Variants in SCFD2 observed in about 807,000 individuals in gnomAD.
SCFD2 encodes sec1 family domain containing 2.
In SCFD2, 54 loss-of-function variants were observed where a neutral mutation model predicts 58.9. The ratio of observed to expected loss-of-function variants is 0.92; its 90% CI spans 0.74 to 1.15. SCFD2 has a LOEUF of 1.15. SCFD2 is among the 50% of genes most tolerant of loss of function. The probability of loss-of-function intolerance (pLI) is 0.00; values close to 1 mark genes in which losing one functional copy is unlikely to be tolerated. For missense variants in SCFD2, 805 were observed against 836.6 expected (o/e 0.96, Z 0.47); for synonymous variants, 321 against 335.9 (o/e 0.96, Z 0.49).
intron 5 of SCFD2, among the ~76,000 whole-genome samples, chr4:53,033,625 G>T (rs987981194): frequency 3.9e-5 from 6 of 152,086 alleles, no homozygotes; most frequent in Non-Finnish European, 8.8e-5. Context: ...AATAAAAAAA[G>T]ATATAGGGGA....
At chr4:53,002,964 A>G (rs560583644) in intron 5 of SCFD2, among the ~76,000 whole-genome samples, 16 of 152,244 alleles carry the variant, frequency 1.1e-4, no homozygotes, top group African/African-American at 2.4e-4. Context: ...GGGAGGTGCT[A>G]CACACTTTTA....
At chr4:53,354,378 G>A (rs112033002) in intron 1 of SCFD2, among the ~76,000 whole-genome samples, 25,252 of 152,192 alleles carry the variant, frequency 0.17, 2,656 homozygotes, top group Admixed American at 0.27. Flanking sequence ...AGTGTGGGGC[G>A]CGCCGAGCCC....
intron 2 of SCFD2, among the ~76,000 whole-genome samples, chr4:53,324,958 A>G (rs1277388754): frequency 6.6e-6 from 1 of 152,240 alleles, no homozygotes; most frequent in Non-Finnish European, 1.5e-5. Flanking sequence ...AGGAAAGTAG[A>G]TAAAATCAAA....
At chr4:53,068,569 T>A (rs187998124) in intron 5 of SCFD2, among the ~76,000 whole-genome samples, 2 of 152,238 alleles carry the variant, frequency 1.3e-5, no homozygotes, top group Admixed American at 1.3e-4. Context: ...TTTTTAATAT[T>A]CTACATAGTA....
intron 4 of SCFD2, among the ~76,000 whole-genome samples, chr4:53,180,468 A>C (rs1727510428): frequency 6.6e-6 from 1 of 152,196 alleles, no homozygotes; most frequent in South Asian, 2.1e-4. Context: ...ACAAAGACAC[A>C]ACATACCAGA....
intron 5 of SCFD2, among the ~76,000 whole-genome samples, chr4:52,934,707 T>C (rs1159071298): frequency 2.0e-5 from 3 of 152,194 alleles, no homozygotes; most frequent in African/African-American, 7.2e-5. Context: ...GCAAAATTTA[T>C]GTTAAAAAAG....
At chr4:53,343,187 G>C (rs1182899412) in intron 2 of SCFD2, among the ~76,000 whole-genome samples, 3 of 152,100 alleles carry the variant, frequency 2.0e-5, no homozygotes, top group Non-Finnish European at 4.4e-5. Context: ...TTTCTGAAAA[G>C]ATCAACAAAA....
intron 5 of SCFD2, among the ~76,000 whole-genome samples, chr4:53,133,082 A>G (rs1194684800): frequency 6.6e-6 from 1 of 152,100 alleles, no homozygotes. Flanking sequence ...TAATCCCAGC[A>G]CTTTGGGAGG....
chr4:53,280,142 A>T (rs189509434), intron 3 of SCFD2, among the ~76,000 whole-genome samples: 1 of 152,342 alleles, frequency 6.6e-6, no homozygotes, highest in African/African-American at 2.4e-5. Context: ...ACTTTTAAAG[A>T]TTATTCTATC....
chr4:53,021,489 G>A (rs2148813656), intron 5 of SCFD2, among the ~76,000 whole-genome samples: 1 of 152,234 alleles, frequency 6.6e-6, no homozygotes, highest in East Asian at 1.9e-4. Flanking sequence ...CATACTGTAT[G>A]TTATGAACTT....
intron 1 of SCFD2, among the ~76,000 whole-genome samples, chr4:53,361,323 A>C (rs1734542795): frequency 6.6e-6 from 1 of 152,236 alleles, no homozygotes; most frequent in Non-Finnish European, 1.5e-5. Flanking sequence ...TCAATATCTT[A>C]ATTCTTAAAA....
chr4:53,024,417 T>C (rs554083221), intron 5 of SCFD2, among the ~76,000 whole-genome samples: 1 of 152,254 alleles, frequency 6.6e-6, no homozygotes, highest in Admixed American at 6.5e-5. Context: ...GAGGAAGATA[T>C]TGAAGAAATG....
chr4:52,920,823 C>G lies in SCFD2; in HGVS notation c.1609G>C (p.Val537Leu). The G allele has an allele frequency of 6.2e-7, 1 of 1,610,798 alleles. No individual in the cohort carries two copies. The highest frequency in any genetic ancestry group is 8.5e-7 in the Non-Finnish European group (1 of 1,177,734). ...NLTFHKSKIA[V>L]DELFTSLRDI... The stretch of plus-strand genomic sequence containing the variant: ...CGAAGTGAAGTAAAGAGTTCATCCA[C>G]GGCAATTTTGGATTTGTGAAATGTC... Residue 537 changes from valine (V) to leucine (L), a missense_variant, in exon 6 of 9, where the codon GTG becomes CTG. Around this residue, in one of 3 missense-constraint regions of SCFD2, gnomAD observed 633 missense variants for 646.8 expected, o/e 0.98. Coordinates refer to ENST00000401642, the MANE Select transcript of SCFD2 (RefSeq NM_152540.4).
At chr4:52,941,848 A>G (rs1720301999) in intron 5 of SCFD2, among the ~76,000 whole-genome samples, 1 of 152,192 alleles carries the variant, frequency 6.6e-6, no homozygotes, top group South Asian at 2.1e-4. Context: ...TTCAGATTTA[A>G]GATGTTTTGA....
chr4:52,978,522 T>C (rs180837813), intron 5 of SCFD2, among the ~76,000 whole-genome samples: 54 of 152,278 alleles, frequency 3.5e-4, no homozygotes, highest in Admixed American at 2.9e-3. Context: ...TTGGCAATGA[T>C]TAGGACTCAG....
intron 2 of SCFD2, among the ~76,000 whole-genome samples, chr4:53,332,813 T>C (rs1193512535): frequency 3.3e-5 from 5 of 151,254 alleles, no homozygotes; most frequent in Non-Finnish European, 5.9e-5. Context: ...AAATTGTCCC[T>C]GTTTGCAGAC....
At chr4:53,141,310 G>A (rs1032151534) in intron 5 of SCFD2, among the ~76,000 whole-genome samples, 3 of 152,064 alleles carry the variant, frequency 2.0e-5, no homozygotes, top group African/African-American at 7.2e-5. Flanking sequence ...GTCAAAAAGG[G>A]AAATGTATAC....
intron 5 of SCFD2, among the ~76,000 whole-genome samples, chr4:53,056,321 T>TGTCCATTCTCACAGTAAATCCC (rs1723337993): frequency 6.6e-6 from 1 of 152,138 alleles, no homozygotes; most frequent in Admixed American, 6.6e-5. Flanking sequence ...CCCGGGGGAA[T>TGTCCATTCTCACAGTAAATCCC]GTCCATTCTC....
At chr4:53,252,184 G>T (rs1413542856) in intron 4 of SCFD2, among the ~76,000 whole-genome samples, 20 of 128,666 alleles carry the variant, frequency 1.6e-4, no homozygotes, top group Admixed American at 5.8e-4. Context: ...CAAGGGACGT[G>T]GAGGACCTCT....
Sources: allele counts gnomAD v4.1 joint callset (sites outside exome capture counted in the v4.1 genomes callset), GRCh38; gene constraint gnomAD v4.1.1; regional missense constraint gnomAD v4.1.1; transcripts MANE v1.5; gene names NCBI Gene and HGNC (gene_info 2026-07-23, HGNC 2026-07-21).